The following CHRM3 variants were observed in gnomAD, a reference collection of about 807,000 sequenced individuals.
The protein encoded by CHRM3 is muscarinic acetylcholine receptor M3.
Under a neutral mutation model 41.8 loss-of-function variants are expected in CHRM3, and 11 were observed. That is an observed-to-expected ratio of 0.26 (90% CI 0.17 to 0.44). CHRM3 has a LOEUF of 0.44. Ranked by LOEUF, CHRM3 falls within the 20% of genes least tolerant of loss-of-function variation. The probability of loss-of-function intolerance (pLI) is 1.00; values close to 1 mark genes in which losing one functional copy is unlikely to be tolerated. For synonymous variants in CHRM3, 297 were observed against 301.4 expected (o/e 0.99, Z 0.15); for missense variants, 571 against 745.4 (o/e 0.77, Z 2.72).
At chr1:239,807,818 GCACACA>G (rs57650107) in intron 5 of CHRM3, among the ~76,000 whole-genome samples, 35,167 of 148,374 alleles carry the variant, frequency 0.24, 4,456 homozygotes, top group African/African-American at 0.35. Context: ...TTTGCTTTGC[GCACACA>G]CACACACACA....
In CHRM3 at chr1:239,433,768, G is replaced by A. The variant is rs114525673; in HGVS notation, c.-521+46541G>A. Among the ~76,000 whole-genome samples the A allele has an allele frequency of 3.1e-3, 474 of 152,232 alleles. 6 individuals carry two copies. The highest frequency in any genetic ancestry group is 0.011 in the African/African-American group (450 of 41,522). On this transcript the variant is annotated intron_variant, in intron 1 of 6. Coordinates refer to ENST00000676153, the MANE Select transcript of CHRM3 (RefSeq NM_001375978.1). ...AATAGTAGTCTCCAGTTCCGTTCAG[G>A]TTGCTGCGAATGCCGTTAATTTGTT...
intron 3 of CHRM3, among the ~76,000 whole-genome samples, chr1:239,593,381 G>T (rs922336708): frequency 1.3e-5 from 2 of 151,780 alleles, no homozygotes; most frequent in African/African-American, 2.4e-5. Flanking sequence ...GATGCCTGAG[G>T]CCCTGATTTC....
chr1:239,816,679 C>A (rs2149017305), intron 5 of CHRM3, among the ~76,000 whole-genome samples: 1 of 151,942 alleles, frequency 6.6e-6, no homozygotes, highest in Non-Finnish European at 1.5e-5. Context: ...CCTATTCTGC[C>A]TGTGTGACTG....
At chr1:239,652,935 A>T (rs2148975634) in intron 4 of CHRM3, among the ~76,000 whole-genome samples, 1 of 152,312 alleles carries the variant, frequency 6.6e-6, no homozygotes, top group Non-Finnish European at 1.5e-5. Context: ...AATATAAGAG[A>T]CTGATAACAT....
At chr1:239,856,498 T>A (rs1486014482) in intron 6 of CHRM3, among the ~76,000 whole-genome samples, 1 of 152,178 alleles carries the variant, frequency 6.6e-6, no homozygotes, top group African/African-American at 2.4e-5. Flanking sequence ...TCTCCATGAT[T>A]TTAAGTTTCC....
At position 239,836,004 on chromosome 1, in the gene CHRM3, A is replaced by G. The variant is rs543712244; in HGVS notation, c.-20+8626A>G. Among the ~76,000 whole-genome samples, 14 of 152,344 alleles carry G rather than the reference A, an allele frequency of 9.2e-5. 1 individual carries two copies. The highest frequency in any genetic ancestry group is 1.8e-4 in the Non-Finnish European group (12 of 68,024). ...CGATGGAGATACATTCGTAGAGAGGAAAAAGATCCATGCTATGTGTGTGCA... is the reference window on the plus strand; with the variant it reads ...CGATGGAGATACATTCGTAGAGAGGGAAAAGATCCATGCTATGTGTGTGCA... On this transcript the variant is annotated intron_variant, in intron 6 of 6. Coordinates refer to ENST00000676153, the MANE Select transcript of CHRM3 (RefSeq NM_001375978.1).
chr1:239,794,381 TTTG>T (rs755523493), intron 5 of CHRM3, among the ~76,000 whole-genome samples: 175 of 137,026 alleles, frequency 1.3e-3, no homozygotes, highest in Middle Eastern at 3.6e-3. Context: ...TATTAATTCG[TTTG>T]TTGTTTTTTT....
intron 2 of CHRM3, among the ~76,000 whole-genome samples, chr1:239,529,654 A>G (rs866119371): frequency 3.3e-5 from 5 of 151,504 alleles, no homozygotes; most frequent in Middle Eastern, 6.9e-3. Flanking sequence ...AACAATAACA[A>G]CAACAAAAGC....
intron 3 of CHRM3, among the ~76,000 whole-genome samples, chr1:239,603,405 A>G (rs1319690407): frequency 1.3e-5 from 2 of 152,162 alleles, no homozygotes; most frequent in African/African-American, 4.8e-5. Flanking sequence ...CCATTCAGTG[A>G]TAGGCAAGGT....
chr1:239,449,211 A>AT (rs1036236370), intron 1 of CHRM3, among the ~76,000 whole-genome samples: 1 of 152,218 alleles, frequency 6.6e-6, no homozygotes, highest in African/African-American at 2.4e-5. Flanking sequence ...GTGCAAATAA[A>AT]TTAAGGGGAC....
intron 2 of CHRM3, among the ~76,000 whole-genome samples, chr1:239,520,968 G>GA (rs913336821): frequency 8.0e-5 from 12 of 150,592 alleles, no homozygotes; most frequent in African/African-American, 1.2e-4. Flanking sequence ...ATAGAGCACA[G>GA]AAAAAAAAAT....
chr1:239,760,600 T>TA (rs1238310333), intron 5 of CHRM3, among the ~76,000 whole-genome samples: 4 of 152,190 alleles, frequency 2.6e-5, no homozygotes, highest in Non-Finnish European at 5.9e-5. Flanking sequence ...CTCTTTTTTT[T>TA]ACTTTCATAT....
intron 6 of CHRM3, among the ~76,000 whole-genome samples, chr1:239,888,259 C>T (rs1417323801): frequency 2.6e-5 from 4 of 151,670 alleles, no homozygotes; most frequent in Non-Finnish European, 1.5e-5. Flanking sequence ...TCCAGCTACC[C>T]GGGAGGCTGA....
At chr1:239,832,530 C>T (rs1205819149) in intron 6 of CHRM3, among the ~76,000 whole-genome samples, 2 of 151,906 alleles carry the variant, frequency 1.3e-5, no homozygotes, top group Non-Finnish European at 2.9e-5. Flanking sequence ...CTGATCCAGA[C>T]CTTAAAAGAG....
In CHRM3 at chr1:239,764,456, A is replaced by T. The variant is rs901151213; in HGVS notation, c.-146-62796A>T. Among the ~76,000 whole-genome samples, 14 of 152,206 alleles carry T rather than the reference A, an allele frequency of 9.2e-5. 1 individual carries two copies. ...CCCATCCGAATTGTTCTGCTGTCTC[A>T]GTGAATACTATGGGGCAGATCAGCT... On this transcript the variant is annotated intron_variant, in intron 5 of 6. Transcript: ENST00000676153.
intron 2 of CHRM3, among the ~76,000 whole-genome samples, chr1:239,534,838 T>G (rs1206643681): frequency 1.3e-5 from 2 of 152,230 alleles, no homozygotes; most frequent in African/African-American, 4.8e-5. Flanking sequence ...TAATTTAACT[T>G]TGATTTTAGT....
rs1168092147 is a variant in CHRM3, at chr1:239,907,791, G to A, written c.340G>A (p.Asp114Asn). Reference protein sequence around the residue: ...NYFLLSLACADLIIGVISMNL... With the variant: ...NYFLLSLACANLIIGVISMNL... Reference sequence around the variant, plus strand: ...CTTCCTCTTAAGCCTGGCCTGTGCCGATCTGATTATCGGGGTCATTTCAAT... The same window carrying A: ...CTTCCTCTTAAGCCTGGCCTGTGCCAATCTGATTATCGGGGTCATTTCAAT... The change falls in exon 7 of 7, where the codon GAT (aspartate) becomes AAT (asparagine). Residue 114 changes from aspartate (D) to asparagine (N), a missense_variant. Physicochemically the swap from Asp to Asn is conservative, Grantham distance 23. Around this residue, in one of 5 missense-constraint regions of CHRM3, gnomAD observed 153 missense variants for 296.3 expected, o/e 0.52. Transcript: ENST00000676153. This position sits in a 1 kb window ranked among gnomAD's most constrained non-coding sequence, Gnocchi z 5.4. The A allele has an allele frequency of 1.2e-6, 2 of 1,614,026 alleles. No homozygotes were observed. The highest frequency in any genetic ancestry group is 1.7e-6 in the Non-Finnish European group (2 of 1,180,036).
chr1:239,459,698 A>C (rs1665213086), intron 1 of CHRM3, among the ~76,000 whole-genome samples: 1 of 152,174 alleles, frequency 6.6e-6, no homozygotes, highest in Admixed American at 6.6e-5. Flanking sequence ...CTTCTTCTCT[A>C]ACCTAGAATT....
At chr1:239,667,689 A>C (rs1673950170) in intron 4 of CHRM3, among the ~76,000 whole-genome samples, 1 of 152,152 alleles carries the variant, frequency 6.6e-6, no homozygotes, top group South Asian at 2.1e-4. Flanking sequence ...TGCCCTGGTC[A>C]AGCTGTCTAA....
Sources: gnomAD v4.1 joint callset for allele counts (sites outside exome capture counted in the v4.1 genomes callset) on GRCh38, gnomAD v4.1.1 for gene constraint, gnomAD v4.1.1 regional missense constraint, Gnocchi (gnomAD v3.1) non-coding constraint, MANE v1.5 for transcripts, NCBI Gene and HGNC (gene_info 2026-07-23, HGNC 2026-07-21) for gene names.